NAV3: variants seen among roughly 807,000 people sequenced by gnomAD.
NAV3 encodes the protein neuron navigator 3, also known as pore membrane and/or filament interacting like protein 1.
A neutral mutation model predicts 244.7 loss-of-function variants in NAV3; 87 were observed. The observed-to-expected ratio is 0.36, with a 90% CI of 0.30 to 0.42. The LOEUF (loss-of-function observed/expected upper bound fraction) is 0.42. NAV3 is among the 20% of genes least tolerant of loss of function. The pLI, the probability that NAV3 is intolerant of heterozygous loss-of-function variation, is 1.00. For missense variants in NAV3, 2,663 were observed against 2,893.3 expected, an observed-to-expected ratio of 0.92 and a Z score of 1.83; for synonymous variants, 1,126 against 1,042.2, an observed-to-expected ratio of 1.08 and a Z score of -1.55.
At chr12:78,087,335 C>A (rs947868579) in intron 12 of NAV3, among the ~76,000 whole-genome samples, 1 of 151,918 alleles carries the variant, frequency 6.6e-6, no homozygotes, top group Non-Finnish European at 1.5e-5. Context: ...AATCAACAGC[C>A]TAAAGGAAGA....
chr12:78,071,271 T>A (rs1482677222), intron 12 of NAV3, among the ~76,000 whole-genome samples: 1 of 152,232 alleles, frequency 6.6e-6, no homozygotes, highest in African/African-American at 2.4e-5. Flanking sequence ...GGTATCTCAC[T>A]GTGGTTTTGA....
intron 9 of NAV3, among the ~76,000 whole-genome samples, chr12:78,031,359 C>T (rs1484102342): frequency 3.3e-5 from 5 of 152,078 alleles, no homozygotes; most frequent in African/African-American, 9.7e-5. Flanking sequence ...ATTCTCTGCT[C>T]ATGTGATCTA....
chr12:78,029,102 A>T (rs1022468832), intron 9 of NAV3, among the ~76,000 whole-genome samples: 1 of 151,596 alleles, frequency 6.6e-6, no homozygotes, highest in Non-Finnish European at 1.5e-5. Flanking sequence ...TTCAATGATG[A>T]TGATGAACCA....
intron 2 of NAV3, among the ~76,000 whole-genome samples, chr12:77,733,498 A>G: frequency 6.6e-6 from 1 of 152,052 alleles, no homozygotes; most frequent in Non-Finnish European, 1.5e-5. Flanking sequence ...GTTTCACCAT[A>G]TAAATCACCT....
In NAV3 at chr12:77,838,783, G is replaced by A. The variant is rs141753733; in HGVS notation, c.243+7079G>A. Among the ~76,000 whole-genome samples, 82 of 152,134 alleles carry A rather than the reference G, an allele frequency of 5.4e-4. No homozygotes were observed. The East Asian group carries it at 9.7e-3, about 18-fold the overall frequency. ...TATAATTAAAAGAATATTGTATTAG[G>A]AGCTCAAATTTTGAATTAAACTTAT... On this transcript the variant is annotated intron_variant, in intron 1 of 39. Transcript: ENST00000397909.
intron 2 of NAV3, among the ~76,000 whole-genome samples, chr12:77,668,809 A>G (rs11106200): frequency 0.083 from 12,567 of 152,196 alleles, 753 homozygotes; most frequent in African/African-American, 0.18. Flanking sequence ...CACCTGGGAA[A>G]TTCATTACAA....
intron 2 of NAV3, among the ~76,000 whole-genome samples, chr12:77,700,458 T>G (rs1353969960): frequency 6.6e-6 from 1 of 152,174 alleles, no homozygotes; most frequent in African/African-American, 2.4e-5. Context: ...ACAATCACGT[T>G]ATTTGAGAAT....
chr12:77,930,868 T>A (rs1240951867), intron 1 of NAV3, among the ~76,000 whole-genome samples: 2 of 152,224 alleles, frequency 1.3e-5, no homozygotes, highest in Non-Finnish European at 2.9e-5. Flanking sequence ...TAGGAATTTC[T>A]CTGTATCTTC....
At chr12:77,930,766 T>C in intron 1 of NAV3, among the ~76,000 whole-genome samples, 1 of 152,218 alleles carries the variant, frequency 6.6e-6, no homozygotes, top group East Asian at 1.9e-4. Flanking sequence ...AATGTTTTTG[T>C]ATAATATATC....
chr12:77,789,833 AAAAG>A (rs1226646768), intron 2 of NAV3, among the ~76,000 whole-genome samples: 4 of 146,054 alleles, frequency 2.7e-5, no homozygotes, highest in Admixed American at 7.0e-5. Context: ...AAAAAAAAAA[AAAAG>A]AGAACAAGAG....
intron 7 of NAV3, among the ~76,000 whole-genome samples, chr12:78,003,408 A>C (rs1564302): frequency 0.82 from 125,487 of 152,164 alleles, 51,907 homozygotes; most frequent in Admixed American, 0.87. Context: ...ATCTATATCA[A>C]TGAGCACAAT....
chr12:77,737,511 G>A (rs577636483), intron 2 of NAV3, among the ~76,000 whole-genome samples: 1 of 151,958 alleles, frequency 6.6e-6, no homozygotes, highest in African/African-American at 2.4e-5. Context: ...AAGCTCCCCA[G>A]GAGATTCTGC....
chr12:78,080,534 AC>A (rs1250377897), intron 12 of NAV3, among the ~76,000 whole-genome samples: 2 of 152,214 alleles, frequency 1.3e-5, no homozygotes, highest in African/African-American at 2.4e-5. Context: ...TGTTGTAATG[AC>A]AGAAACTCAT....
intron 2 of NAV3, among the ~76,000 whole-genome samples, chr12:77,790,261 C>T (rs1026742795): frequency 1.3e-5 from 2 of 152,196 alleles, no homozygotes; most frequent in Non-Finnish European, 2.9e-5. Context: ...GTTTTCTTCA[C>T]AAAACTTCAC....
At position 77,632,828 on chromosome 12, in the gene NAV3, C is replaced by T. The variant is rs78668878; in HGVS notation, c.72+60562C>T. ...GATTTTTAAATAAGGCAGGTATAAG[C>T]GTTTTTAGATAATTATATAGTGGAT... is the stretch of plus-strand genomic sequence containing the variant. On this transcript the variant is annotated intron_variant, in intron 2 of 8. Coordinates refer to the NAV3 transcript ENST00000550042. 7.2e-3 allele frequency among the ~76,000 whole-genome samples: 1,092 copies of T among 151,970 alleles called. 5 individuals are homozygous for T. Among genetic ancestry groups the T allele is most frequent in the Non-Finnish European group, 0.01 (706 of 67,962 alleles).
intron 19 of NAV3, 125 bp from the exon 20 acceptor site, chr12:78,140,157 A>T: frequency 1.3e-6 from 1 of 757,330 alleles, no homozygotes; most frequent in Non-Finnish European, 2.2e-6. Flanking sequence ...TGGTTCTCAG[A>T]ATCTTATAGT....
At chr12:77,635,787 G>A (rs138794594) in intron 2 of NAV3, among the ~76,000 whole-genome samples, 5 of 152,078 alleles carry the variant, frequency 3.3e-5, no homozygotes, top group Middle Eastern at 3.4e-3. Context: ...AAAAAAAACC[G>A]CTGTGAGGTA....
intron 2 of NAV3, among the ~76,000 whole-genome samples, chr12:77,738,485 G>A (rs2137378065): frequency 6.6e-6 from 1 of 152,238 alleles, no homozygotes; most frequent in South Asian, 2.1e-4. Flanking sequence ...TTCTTCCAAA[G>A]TTTAATTCAT....
At chr12:77,691,279 C>T (rs1381830113) in intron 2 of NAV3, among the ~76,000 whole-genome samples, 2 of 133,116 alleles carry the variant, frequency 1.5e-5, no homozygotes, top group Non-Finnish European at 3.2e-5. Flanking sequence ...ATGAATTAAT[C>T]TAGAAAAGTT....
Sources: allele counts gnomAD v4.1 joint callset (sites outside exome capture counted in the v4.1 genomes callset), GRCh38; gene constraint gnomAD v4.1.1; transcripts MANE v1.5; gene names NCBI Gene and HGNC (gene_info 2026-07-23, HGNC 2026-07-21).